Variants in RBFOX1 observed in about 807,000 individuals in gnomAD.
RBFOX1 encodes RNA binding protein fox-1 homolog 1.
Under a neutral mutation model 57.7 loss-of-function variants are expected in RBFOX1, and 8 were observed. That is an observed-to-expected ratio of 0.14 (90% CI 0.08 to 0.25). RBFOX1 has a LOEUF of 0.25. Ranked by LOEUF, RBFOX1 falls within the 10% of genes least tolerant of loss-of-function variation. The pLI is 1.00. For missense variants in RBFOX1, 611 were observed against 548.5 expected (o/e 1.11, Z -1.14); for synonymous variants, 326 against 222.4 (o/e 1.47, Z -4.15).
At chr16:5,267,486 C>T (rs540563667) in intron 1 of RBFOX1, among the ~76,000 whole-genome samples, 26 of 151,802 alleles carry the variant, frequency 1.7e-4, no homozygotes, top group South Asian at 4.2e-4. Context: ...TTAGTAGAGG[C>T]GGGGTTTCAC....
chr16:6,654,677 G>C (rs751236639), intron 3 of RBFOX1, 27 bp downstream of exon 3: 109 of 1,489,076 alleles, frequency 7.3e-5, no homozygotes, highest in Non-Finnish European at 9.0e-5. Flanking sequence ...CATTTTTAGG[G>C]TTGCAAACAA....
chr16:5,856,236 T>C (rs1462011099), intron 3 of RBFOX1, among the ~76,000 whole-genome samples: 2 of 57,598 alleles, frequency 3.5e-5, no homozygotes, highest in African/African-American at 6.0e-5. Flanking sequence ...TATGTATATA[T>C]ATGTGTATAT....
rs2049419242 is a variant in RBFOX1 at position 5,656,061 on chromosome 16, T to G, written c.318+57100T>G. 2.0e-5 allele frequency among the ~76,000 whole-genome samples: 3 copies of G among 152,288 alleles called. 1 individual carries two copies. The South Asian group carries it at 6.2e-4, about 32-fold the overall frequency. On this transcript the variant is annotated intron_variant, in intron 3 of 19. Transcript: ENST00000641259. ...TGTGGAAAGATTGACTGGGATTACT[T>G]TTCTGGAGTAATGAATAATATTAAT...
chr16:5,635,119 C>A (rs1229950783), intron 3 of RBFOX1, among the ~76,000 whole-genome samples: 1 of 152,146 alleles, frequency 6.6e-6, no homozygotes, highest in Non-Finnish European at 1.5e-5. Flanking sequence ...CTGAACTACA[C>A]TGCTCCTCCT....
At position 6,210,727 on chromosome 16, in the gene RBFOX1, C is replaced by CA. The variant is rs374391755; in HGVS notation, c.-126-106259dup. 4.6e-4 allele frequency among the ~76,000 whole-genome samples: 66 copies of CA among 144,286 alleles called. 1 individual carries two copies. The highest frequency in any genetic ancestry group is 6.9e-4 in the Admixed American group (10 of 14,414). 94.7% of individuals were successfully genotyped at this position (144,286 alleles called of 152,430 possible). ...GTGACACAGTGAGACTCCCTCTCAA[C>CA]AAAAAAAAAGAAAAGAAAAGAAAAG... On this transcript the variant is annotated intron_variant, in intron 1 of 15. Coordinates refer to ENST00000550418, the MANE Select transcript of RBFOX1 (RefSeq NM_018723.4).
At chr16:6,729,546 GA>G (rs1433637605) in intron 3 of RBFOX1, among the ~76,000 whole-genome samples, 1 of 152,138 alleles carries the variant, frequency 6.6e-6, no homozygotes, top group African/African-American at 2.4e-5. Context: ...CAGCTGCCTG[GA>G]AAGCCTAATA....
rs112853628 is a variant in RBFOX1 at position 6,239,959 on chromosome 16, T to TGGATC, written c.-126-77034_-126-77033insATCGG. 6.3e-4 allele frequency among the ~76,000 whole-genome samples: 96 copies of TGGATC among 152,268 alleles called. 1 individual carries two copies. The highest frequency in any genetic ancestry group is 5.0e-3 in the South Asian group (24 of 4,820). On this transcript the variant is annotated intron_variant, in intron 1 of 15. Transcript: ENST00000550418. ...CCAATGGTGGGGGGTGTTTCGGTTG[T>TGGATC]GGGAGTGGATCTCTCAAGGTGGGAG...
chr16:6,895,784 C>T (rs1253191062), intron 3 of RBFOX1, among the ~76,000 whole-genome samples: 2 of 152,008 alleles, frequency 1.3e-5, no homozygotes, highest in Non-Finnish European at 1.5e-5. Flanking sequence ...GAAATCCCAG[C>T]TCTGCCACTT....
intron 1 of RBFOX1, among the ~76,000 whole-genome samples, chr16:5,394,194 T>C (rs940416207): frequency 1.3e-5 from 2 of 152,104 alleles, no homozygotes; most frequent in Non-Finnish European, 1.5e-5. Flanking sequence ...CGGCTAATTT[T>C]TGTATTTTTA....
intron 3 of RBFOX1, among the ~76,000 whole-genome samples, chr16:6,778,366 A>G (rs1250291045): frequency 6.6e-6 from 1 of 152,188 alleles, no homozygotes; most frequent in Admixed American, 6.5e-5. Flanking sequence ...ATAGCCAATC[A>G]TGTTTAATCT....
At chr16:7,144,384 A>C (rs553468359) in intron 4 of RBFOX1, among the ~76,000 whole-genome samples, 2 of 148,034 alleles carry the variant, frequency 1.4e-5, no homozygotes, top group Admixed American at 6.7e-5. Flanking sequence ...ACCCAGGTTA[A>C]AACTTCTTCT....
intron 1 of RBFOX1, among the ~76,000 whole-genome samples, chr16:5,252,123 A>G (rs2062467855): frequency 6.6e-6 from 1 of 152,068 alleles, no homozygotes; most frequent in South Asian, 2.1e-4. Flanking sequence ...CCCTCTGTTT[A>G]CTCTGAGCCC....
intron 4 of RBFOX1, among the ~76,000 whole-genome samples, chr16:7,271,735 C>G (rs376282902): frequency 9.6e-4 from 146 of 152,202 alleles, no homozygotes; most frequent in Non-Finnish European, 1.9e-3. Flanking sequence ...AAAGTCGGTC[C>G]TGCTTCTAGA....
At chr16:6,621,790 A>C (rs568276913) in intron 2 of RBFOX1, among the ~76,000 whole-genome samples, 1 of 152,312 alleles carries the variant, frequency 6.6e-6, no homozygotes, top group East Asian at 1.9e-4. Context: ...ACATGTGGCA[A>C]CCCCAGATAA....
intron 3 of RBFOX1, among the ~76,000 whole-genome samples, chr16:5,828,554 C>T (rs2056155728): frequency 2.0e-5 from 3 of 152,114 alleles, no homozygotes; most frequent in Admixed American, 2.0e-4. Flanking sequence ...AAAAGATTAG[C>T]TGGGCGTGGT....
intron 4 of RBFOX1, among the ~76,000 whole-genome samples, chr16:7,431,937 A>T (rs1011255683): frequency 6.6e-6 from 1 of 152,216 alleles, no homozygotes; most frequent in Admixed American, 6.5e-5. Context: ...AACACAAAAG[A>T]TGATTTTCTC....
At chr16:5,626,918 G>C (rs1372499204) in intron 3 of RBFOX1, among the ~76,000 whole-genome samples, 1 of 151,960 alleles carries the variant, frequency 6.6e-6, no homozygotes, top group African/African-American at 2.4e-5. Context: ...CTTAACAACT[G>C]AACATCTACA....
intron 3 of RBFOX1, among the ~76,000 whole-genome samples, chr16:5,626,721 C>A (rs2048360466): frequency 6.6e-6 from 1 of 152,078 alleles, no homozygotes; most frequent in African/African-American, 2.4e-5. Flanking sequence ...GAATGAGTTT[C>A]CTTACTTTCT....
In RBFOX1 at chr16:7,445,357, A is replaced by C. The variant is rs12596719; in HGVS notation, c.28-72790A>C. ...CCCCGCTACTCCTCTCTTAATCTGG[A>C]GGCCCATGGGTCTCCAGTACCCTTA... is the stretch of plus-strand genomic sequence containing the variant. On this transcript the variant is annotated intron_variant, in intron 4 of 15. Coordinates refer to ENST00000550418, the MANE Select transcript of RBFOX1 (RefSeq NM_018723.4). Among the ~76,000 whole-genome samples the C allele has an allele frequency of 0.024, 3,607 of 152,272 alleles. 333 individuals carry two copies. The East Asian group carries it at 0.3, about 13-fold the overall frequency.
Sources: gnomAD v4.1 joint callset for allele counts (sites outside exome capture counted in the v4.1 genomes callset) on GRCh38, gnomAD v4.1.1 for gene constraint, MANE v1.5 for transcripts, NCBI Gene and HGNC (gene_info 2026-07-23, HGNC 2026-07-21) for gene names.